The following STIP1 variants were observed in gnomAD, a reference collection of about 807,000 sequenced individuals.
STIP1 encodes the protein stress-induced-phosphoprotein 1.
STIP1 carries 16 observed loss-of-function variants against 77.4 expected under a neutral mutation model. That is an observed-to-expected ratio of 0.21 (90% confidence interval 0.14 to 0.31). The LOEUF (loss-of-function observed/expected upper bound fraction) is 0.31, where lower values mean the gene tolerates loss of function less well. Among genes scored for constraint, STIP1 ranks in the 10% least tolerant of loss-of-function variants. STIP1 has a pLI of 1.00. For synonymous variants in STIP1, 258 were observed against 246.6 expected, an observed-to-expected ratio of 1.05 and a Z score of -0.44; for missense variants, 524 against 684.8, an observed-to-expected ratio of 0.77 and a Z score of 2.62.
chr11:64,187,176 G>A (rs12787852), intron 1 of STIP1, among the ~76,000 whole-genome samples: 24,862 of 152,000 alleles, frequency 0.16, 2,291 homozygotes, highest in Admixed American at 0.28. Flanking sequence ...TCCTTTCAGT[G>A]ACTTGGTTAT....
At chr11:64,186,333 C>T (rs2060590278) in intron 1 of STIP1, 63 bp downstream of exon 1, 2 of 47,852 alleles carry the variant, frequency 4.2e-5, no homozygotes, top group South Asian at 4.4e-4. Context: ...GGCCAGGCCG[C>T]GGTAGGGGGG....
upstream of STIP1, chr11:64,186,117 A>G (rs1946011117): frequency 5.8e-6 from 9 of 1,550,580 alleles, no homozygotes; most frequent in South Asian, 1.2e-5. Flanking sequence ...CATTCCCCCT[A>G]GAAGAACTCG....
chr11:64,187,334 G>A (rs1394739040), intron 1 of STIP1, among the ~76,000 whole-genome samples: 2 of 151,898 alleles, frequency 1.3e-5, no homozygotes, highest in Admixed American at 6.6e-5. Context: ...CTCCCGCTCG[G>A]GAGTACTACT....
At chr11:64,199,447 C>G (rs1026868056) in intron 8 of STIP1, among the ~76,000 whole-genome samples, 8 of 143,096 alleles carry the variant, frequency 5.6e-5, no homozygotes, top group Non-Finnish European at 9.1e-5. Context: ...GCAGAGCTTG[C>G]AGTGAGCCGA....
intron 4 of STIP1, 107 bp downstream of exon 4, chr11:64,194,727 C>G (rs939059597): frequency 3.2e-5 from 46 of 1,418,548 alleles, no homozygotes; most frequent in Non-Finnish European, 1.7e-5. Context: ...GAGTTTTTGC[C>G]TTTGCTTATT....
intron 1 of STIP1, among the ~76,000 whole-genome samples, chr11:64,189,950 G>A (rs1232958364): frequency 6.7e-6 from 1 of 150,334 alleles, no homozygotes; most frequent in African/African-American, 2.4e-5. Flanking sequence ...TAAGGTCTCT[G>A]ATTGATGGAA....
intron 8 of STIP1, among the ~76,000 whole-genome samples, chr11:64,199,320 C>T (rs566093375): frequency 1.7e-3 from 256 of 151,110 alleles, no homozygotes; most frequent in African/African-American, 5.9e-3. Context: ...CTGGCTAACA[C>T]GGTGAAACTC....
At position 64,195,628 on chromosome 11, in the gene STIP1, T is replaced by C; in HGVS notation, c.504-17T>C. ...GAGTAATTACAATTTTTCTTTATTT[T>C]TTTAAATCAATACTAGGAAACTACA... On this transcript the variant is annotated splice_polypyrimidine_tract_variant and intron_variant, in intron 4 of 13. Transcript: ENST00000305218. 6.4e-7 allele frequency: 1 copy of C among 1,560,232 alleles called. No individual in the cohort carries two copies. Among genetic ancestry groups the C allele is most frequent in the Non-Finnish European group, 8.6e-7 (1 of 1,157,300 alleles).
chr11:64,198,753 G>GTTTTTTTTTTTTTTTTT (rs371481270), intron 8 of STIP1, among the ~76,000 whole-genome samples: 2 of 111,030 alleles, frequency 1.8e-5, no homozygotes, highest in Admixed American at 9.9e-5. Context: ...TTTTTTTGTG[G>GTTTTTTTTTTTTTTTTT]TTTTTTTTTT....
Position 64,188,003 on chromosome 11 carries a change from C to T in STIP1, c.9+1733C>T, listed in dbSNP as rs1443981496. On this transcript the variant is annotated intron_variant, in intron 1 of 13. Transcript: ENST00000305218. ...GGGCCATAGAGCGAGACTCCGTCTC[C>T]CTCCAGCCTGGGCCACAGAGCGAGA... 1.4e-4 allele frequency among the ~76,000 whole-genome samples: 20 copies of T among 147,476 alleles called. 1 individual carries two copies. The South Asian group carries it at 2.5e-3, about 18-fold the overall frequency.
At chr11:64,198,015 ATAAT>A (rs1395496750) in intron 8 of STIP1, 41 bp downstream of exon 8, 2 of 1,577,228 alleles carry the variant, frequency 1.3e-6, no homozygotes, top group Admixed American at 2.0e-5. Context: ...TGTTTTCCTA[ATAAT>A]TGAGCCATTG....
At chr11:64,200,390 A>G (rs1946204425) in intron 10 of STIP1, 97 bp downstream of exon 10, 3 of 1,509,766 alleles carry the variant, frequency 2.0e-6, no homozygotes, top group African/African-American at 1.4e-5. Flanking sequence ...GATGATGATC[A>G]TGATGTTTGA....
chr11:64,188,268 C>T (rs1353718387), intron 1 of STIP1, among the ~76,000 whole-genome samples: 1 of 150,298 alleles, frequency 6.7e-6, no homozygotes, highest in Admixed American at 6.6e-5. Flanking sequence ...TGCTTCAACC[C>T]GGGAGGCGTA....
In STIP1 at chr11:64,197,568, A is replaced by C; in HGVS notation, c.875A>C (p.Asn292Thr). ...CEKAIEVGRE[N>T]REDYRQIAKA... ...AAGGCCATTGAAGTGGGGAGAGAAA[A>C]CCGAGAAGACTATCGACAGATTGCC... Residue 292 changes from asparagine (N) to threonine (T), a missense_variant, in exon 7 of 14, where the codon AAC (asparagine) becomes ACC (threonine). By Grantham distance (65) the Asn-to-Thr change is moderately conservative. Coordinates refer to ENST00000305218, the MANE Select transcript of STIP1 (RefSeq NM_006819.3). The C allele has an allele frequency of 4.3e-6, 7 of 1,614,126 alleles. No individual in the cohort carries two copies. The highest frequency in any genetic ancestry group is 5.9e-6 in the Non-Finnish European group (7 of 1,180,018).
chr11:64,194,112 A>G, intron 2 of STIP1, 77 bp from the exon 3 acceptor site: 2 of 1,548,550 alleles, frequency 1.3e-6, no homozygotes, highest in Non-Finnish European at 1.7e-6. Flanking sequence ...TAAAAGTAGA[A>G]TTGTTCTTTT....
Position 64,195,685 on chromosome 11 carries a change from C to T in STIP1, c.544C>T (p.Leu182Phe), listed in dbSNP as rs1946141723. ...CCGGATCATGACCACTCTCAGCGTC[C>T]TCCTTGGGGTCGATCTGGGCAGTAT... ...DPRIMTTLSV[L>F]LGVDLGSMDE... The change falls in exon 5 of 14, where the codon CTC becomes TTC. Residue 182 changes from leucine to phenylalanine, a missense_variant. Coordinates refer to ENST00000305218, the MANE Select transcript of STIP1 (RefSeq NM_006819.3). 2 of 1,613,824 alleles carry T rather than the reference C, an allele frequency of 1.2e-6. No individual in the cohort carries two copies. The highest frequency in any genetic ancestry group is 1.3e-5 in the African/African-American group (1 of 74,866).
intron 1 of STIP1, among the ~76,000 whole-genome samples, chr11:64,190,113 G>C (rs1946075623): frequency 6.6e-6 from 1 of 151,442 alleles, no homozygotes; most frequent in African/African-American, 2.4e-5. Flanking sequence ...TGATTCTCCT[G>C]CCTCAGCCTG....
At chr11:64,195,533 G>T in intron 4 of STIP1, 112 bp from the exon 5 acceptor site, 2 of 1,093,752 alleles carry the variant, frequency 1.8e-6, no homozygotes, top group East Asian at 2.6e-5. Context: ...CTTTTGATGG[G>T]TGAGGAGCTT....
intron 1 of STIP1, among the ~76,000 whole-genome samples, chr11:64,189,971 T>G (rs1946073270): frequency 6.6e-6 from 1 of 151,964 alleles, no homozygotes; most frequent in Non-Finnish European, 1.5e-5. Context: ...GTTCCTGATC[T>G]CTCTATTTGA....
Sources: allele counts gnomAD v4.1 joint callset (sites outside exome capture counted in the v4.1 genomes callset), GRCh38; gene constraint gnomAD v4.1.1; transcripts MANE v1.5; gene names NCBI Gene and HGNC (gene_info 2026-07-23, HGNC 2026-07-21).